RABGAP1L: variants seen among roughly 807,000 people sequenced by gnomAD.
The protein encoded by RABGAP1L is rab GTPase-activating protein 1-like.
A neutral mutation model predicts 137.7 loss-of-function variants in RABGAP1L; 63 were observed. The ratio of observed to expected loss-of-function variants is 0.46; its 90% CI spans 0.37 to 0.56. RABGAP1L has a LOEUF of 0.56. Ranked by LOEUF, RABGAP1L falls within the 20% of genes least tolerant of loss-of-function variation. RABGAP1L has a pLI of 0.00. For missense variants in RABGAP1L, 1,095 were observed against 1,244.0 expected (o/e 0.88, Z 1.80); for synonymous variants, 431 against 433.7 (o/e 0.99, Z 0.08).
intron 1 of RABGAP1L, among the ~76,000 whole-genome samples, chr1:174,160,529 G>C (rs1223726096): frequency 2.6e-5 from 4 of 152,158 alleles, no homozygotes; most frequent in African/African-American, 9.7e-5. Context: ...CCAAAACTTG[G>C]GTGGTCACTT....
chr1:174,420,269 C>T (rs189195168), intron 13 of RABGAP1L, among the ~76,000 whole-genome samples: 134 of 150,094 alleles, frequency 8.9e-4, no homozygotes, highest in African/African-American at 3.2e-3. Context: ...TGACAAACAG[C>T]TCTCTGGGAA....
At chr1:174,428,388 T>G (rs748873738) in intron 13 of RABGAP1L, among the ~76,000 whole-genome samples, 1 of 152,208 alleles carries the variant, frequency 6.6e-6, no homozygotes, top group Non-Finnish European at 1.5e-5. Flanking sequence ...ATTTCTTTAG[T>G]GCTTTCTTGT....
chr1:174,175,225 C>G (rs971046296), intron 1 of RABGAP1L, among the ~76,000 whole-genome samples: 17 of 152,134 alleles, frequency 1.1e-4, no homozygotes, highest in Non-Finnish European at 1.9e-4. Context: ...TTAGAAATTA[C>G]TTAGATACCA....
chr1:174,988,569 C>T (rs1165401348), intron 24 of RABGAP1L, 72 bp from the exon 25 acceptor site: 7 of 1,289,926 alleles, frequency 5.4e-6, no homozygotes, highest in Non-Finnish European at 7.1e-6. Context: ...CTAAAAAAGT[C>T]ATAAATTGTT....
At chr1:174,694,108 AATC>A (rs1396851540) in intron 15 of RABGAP1L, among the ~76,000 whole-genome samples, 1 of 152,200 alleles carries the variant, frequency 6.6e-6, no homozygotes, top group Non-Finnish European at 1.5e-5. Context: ...AGATTACTAA[AATC>A]ATCTACTTCA....
chr1:174,308,917 T>C (rs775589394), intron 11 of RABGAP1L, among the ~76,000 whole-genome samples: 9 of 152,012 alleles, frequency 5.9e-5, no homozygotes, highest in Non-Finnish European at 1.2e-4. Flanking sequence ...AAGAATGTCA[T>C]TGGAATTTTG....
At chr1:174,621,590 C>G (rs1047642256) in intron 13 of RABGAP1L, among the ~76,000 whole-genome samples, 19 of 152,126 alleles carry the variant, frequency 1.2e-4, no homozygotes, top group Admixed American at 5.9e-4. Context: ...CTGAGAAAAA[C>G]AAGCAATGGG....
intron 19 of RABGAP1L, chr1:174,896,867 G>A (rs1308739124): frequency 6.6e-6 from 1 of 152,196 alleles, no homozygotes; most frequent in Non-Finnish European, 1.5e-5. Flanking sequence ...TTGAAGTCAG[G>A]TAGCATGATG....
chr1:174,774,644 G>T (rs992573902), intron 18 of RABGAP1L, among the ~76,000 whole-genome samples: 1 of 151,884 alleles, frequency 6.6e-6, no homozygotes, highest in African/African-American at 2.4e-5. Flanking sequence ...CTTTGGCAGG[G>T]CAAGGCAAGC....
intron 16 of RABGAP1L, among the ~76,000 whole-genome samples, chr1:174,699,980 G>C (rs887405906): frequency 2.0e-5 from 3 of 152,140 alleles, no homozygotes; most frequent in African/African-American, 7.2e-5. Context: ...AAATACCTAA[G>C]AGCTTTCTGC....
chr1:174,256,802 C>A (rs1220229806), intron 7 of RABGAP1L, among the ~76,000 whole-genome samples: 1 of 151,852 alleles, frequency 6.6e-6, no homozygotes, highest in African/African-American at 2.4e-5. Context: ...CAAAACAAAA[C>A]AACCAACCAC....
chr1:174,483,327 C>CT (rs1293294277), intron 13 of RABGAP1L, among the ~76,000 whole-genome samples: 2 of 152,178 alleles, frequency 1.3e-5, no homozygotes, highest in Non-Finnish European at 2.9e-5. Context: ...CTTCTACTCT[C>CT]TATCTCCCTG....
Position 174,993,352 on chromosome 1 carries a change from G to T in RABGAP1L, c.*3351G>T, listed in dbSNP as rs1672178710. ...GAAATGTCCTGAGTAAAGTAGAAAA[G>T]CAACCTTTGTATGGATGTGGGGATA... On this transcript the variant is annotated 3_prime_UTR_variant, in exon 26 of 26. Coordinates refer to ENST00000681986, the MANE Select transcript of RABGAP1L (RefSeq NM_001366446.1). The T allele has an allele frequency of 6.6e-6, 1 of 152,256 alleles. No individual in the cohort carries two copies. Among genetic ancestry groups the T allele is most frequent in the South Asian group, 2.1e-4 (1 of 4,826 alleles). The allele number at this position is 152,256 out of a possible 1,614,324, so 9.4% of individuals were successfully genotyped here.
chr1:174,820,760 T>C (rs964143510), intron 19 of RABGAP1L, among the ~76,000 whole-genome samples: 4 of 152,196 alleles, frequency 2.6e-5, no homozygotes, highest in African/African-American at 9.6e-5. Flanking sequence ...CTCGCCCCTG[T>C]AATCTTAGCA....
chr1:174,424,633 C>T (rs1651741731), intron 13 of RABGAP1L, among the ~76,000 whole-genome samples: 1 of 152,008 alleles, frequency 6.6e-6, no homozygotes, highest in Non-Finnish European at 1.5e-5. Flanking sequence ...TAACCACATG[C>T]AATGTAGTAA....
rs547854258 is a variant in RABGAP1L, at chr1:174,940,123, G to T, written c.2341-17334G>T. On this transcript the variant is annotated intron_variant, in intron 19 of 25. Transcript: ENST00000681986. ...GATTATTACATGAGTGACATAGACT[G>T]ATTCCCATGACTAGGAAAACTTGTT... is the stretch of plus-strand genomic sequence containing the variant. Among the ~76,000 whole-genome samples the T allele has an allele frequency of 5.2e-4, 79 of 152,304 alleles. 4 individuals carry two copies. The South Asian group carries it at 0.016, about 32-fold the overall frequency.
Position 174,422,997 on chromosome 1 carries a change from G to A in RABGAP1L, c.1710+28852G>A, listed in dbSNP as rs184601632. On this transcript the variant is annotated intron_variant, in intron 13 of 25. Transcript: ENST00000681986. ...TTTTGAACCATTATAGCTAAAAATAGTGAATAGTGACATTTTTTAGCACAC... is the reference window on the plus strand; with the variant it reads ...TTTTGAACCATTATAGCTAAAAATAATGAATAGTGACATTTTTTAGCACAC... Among the ~76,000 whole-genome samples the A allele has an allele frequency of 6.8e-3, 1,007 of 148,232 alleles. 13 individuals carry two copies. Among genetic ancestry groups the A allele is most frequent in the African/African-American group, 0.023 (947 of 40,336 alleles).
intron 24 of RABGAP1L, among the ~76,000 whole-genome samples, chr1:174,987,700 G>A (rs1393452037): frequency 6.6e-6 from 1 of 152,172 alleles, no homozygotes; most frequent in Non-Finnish European, 1.5e-5. Context: ...TATCTCTATT[G>A]AATTATTTTT....
intron 11 of RABGAP1L, among the ~76,000 whole-genome samples, chr1:174,345,136 T>G (rs756305559): frequency 1.3e-5 from 2 of 152,196 alleles, no homozygotes; most frequent in Non-Finnish European, 2.9e-5. Context: ...TTCTGTTCCA[T>G]TGGTCTACAT....
Sources: gnomAD v4.1 joint callset for allele counts (sites outside exome capture counted in the v4.1 genomes callset) on GRCh38, gnomAD v4.1.1 for gene constraint, MANE v1.5 for transcripts, NCBI Gene and HGNC (gene_info 2026-07-23, HGNC 2026-07-21) for gene names.